Variants in FKBP4 observed in about 807,000 individuals in gnomAD.
FKBP4 encodes the protein peptidyl-prolyl cis-trans isomerase FKBP4.
Under a neutral mutation model 54.1 loss-of-function variants are expected in FKBP4, and 28 were observed. The ratio of observed to expected loss-of-function variants is 0.52; its 90% CI spans 0.38 to 0.71. FKBP4 has a LOEUF of 0.71. FKBP4 is among the 30% of genes least tolerant of loss of function. The probability of loss-of-function intolerance (pLI) is 0.00; values close to 1 mark genes in which losing one functional copy is unlikely to be tolerated. For synonymous variants in FKBP4, 223 were observed against 216.1 expected (o/e 1.03, Z -0.28); for missense variants, 493 against 574.4 (o/e 0.86, Z 1.45).
Position 2,799,156 on chromosome 12 carries a change from G to A in FKBP4, c.583G>A (p.Gly195Arg). The A allele has an allele frequency of 6.3e-7, 1 of 1,593,984 alleles. No individual in the cohort carries two copies. Among genetic ancestry groups the A allele is most frequent in the South Asian group, 1.1e-5 (1 of 87,732 alleles). Residue 195 changes from glycine (G) to arginine (R), a missense_variant, in exon 5 of 10, where the codon GGG (glycine) becomes AGG (arginine). Physicochemically the swap from Gly to Arg is moderately radical, Grantham distance 125. Coordinates refer to ENST00000001008, the MANE Select transcript of FKBP4 (RefSeq NM_002014.4). ...QRELRFEIGE[G>R]ENLDLPYGLE... ...GGAGCTCCGCTTTGAGATTGGCGAGGGGGAGAACCTGGATCTGCCTTATGG... is the reference window on the plus strand; with the variant it reads ...GGAGCTCCGCTTTGAGATTGGCGAGAGGGAGAACCTGGATCTGCCTTATGG...
chr12:2,800,922 C>G (rs1437208674), intron 8 of FKBP4, among the ~76,000 whole-genome samples, 195 bp from the exon 9 acceptor site: 1 of 152,146 alleles, frequency 6.6e-6, no homozygotes, highest in Non-Finnish European at 1.5e-5. Flanking sequence ...TGCTGTCTTC[C>G]CTCTCTGCCT....
rs116790819 is a variant in FKBP4 at position 2,803,497 on chromosome 12, C to T, written c.*239C>T. The T allele has an allele frequency of 6.3e-3, 3,142 of 494,814 alleles. 79 individuals are homozygous for T. Among genetic ancestry groups the T allele is most frequent in the African/African-American group, 0.055 (2,891 of 52,324 alleles). 30.7% of individuals were successfully genotyped at this position (494,814 alleles called of 1,614,324 possible). On this transcript the variant is annotated 3_prime_UTR_variant, in exon 10 of 10. Transcript: ENST00000001008. ...CCATTGCACATGAACATATGTCCAT[C>T]CATATATATTCATCAGAATGTTAAT...
intron 9 of FKBP4, chr12:2,801,669 A>C (rs2097904849): frequency 4.0e-6 from 2 of 500,352 alleles, no homozygotes; most frequent in South Asian, 1.5e-5. Flanking sequence ...TGGGAGGATC[A>C]CTTGAACCCA....
At position 2,805,249 on chromosome 12, in the gene FKBP4, C is replaced by T; in HGVS notation, c.*1991C>T. 1 of 452,700 alleles carries T rather than the reference C, an allele frequency of 2.2e-6. No individual in the cohort carries two copies. Among genetic ancestry groups the T allele is most frequent in the East Asian group, 7.0e-5 (1 of 14,318 alleles). The allele number at this position is 452,700 out of a possible 1,614,324, so 28.0% of individuals were successfully genotyped here. A position where few individuals can be genotyped will look rare whatever the true frequency, so the allele number is the denominator to read the frequency against. On this transcript the variant is annotated 3_prime_UTR_variant, in exon 10 of 10. Coordinates refer to ENST00000001008, the MANE Select transcript of FKBP4 (RefSeq NM_002014.4). The stretch of plus-strand genomic sequence containing the variant: ...AGACTCTCCCATGAGGTTCCTTTGG[C>T]AAGTCCTGGGCTTCTGTCCTCATCT...
chr12:2,796,819 A>C, intron 1 of FKBP4: 2 of 1,129,126 alleles, frequency 1.8e-6, no homozygotes, highest in South Asian at 5.1e-5. Flanking sequence ...CAACTGTAGG[A>C]GATAGGGATT....
At chr12:2,800,965 T>C in intron 8 of FKBP4, 152 bp from the exon 9 acceptor site, 1 of 941,568 alleles carries the variant, frequency 1.1e-6, no homozygotes, top group Non-Finnish European at 1.6e-6. Context: ...GATTGTTCCA[T>C]TTAATGCCTC....
chr12:2,800,194 CTG>C (rs2097903967), intron 7 of FKBP4, 72 bp downstream of exon 7: 7 of 1,533,976 alleles, frequency 4.6e-6, no homozygotes, highest in South Asian at 4.5e-5. Flanking sequence ...CCCTTGGTGA[CTG>C]AGATCATTTT....
chr12:2,796,529 C>G, intron 1 of FKBP4: 1 of 985,446 alleles, frequency 1.0e-6, no homozygotes, highest in Non-Finnish European at 1.2e-6. Flanking sequence ...TACTCCAGCC[C>G]TGGACTAACT....
Position 2,798,898 on chromosome 12 carries a change from C to T in FKBP4, c.514+72C>T. 2 of 1,536,372 alleles carry T rather than the reference C, an allele frequency of 1.3e-6. No homozygotes were observed. Among genetic ancestry groups the T allele is most frequent in the East Asian group, 2.3e-5 (1 of 44,156 alleles). On this transcript the variant is annotated intron_variant, in intron 4 of 9. Coordinates refer to ENST00000001008, the MANE Select transcript of FKBP4 (RefSeq NM_002014.4). This position sits in a 1 kb window ranked among gnomAD's most constrained non-coding sequence, Gnocchi z 4.3. ...GCCTTGTGTGGCTTTGGGCAAGACA[C>T]TTCCGTTCTCCGAGCCTATCTTCTT... is the stretch of plus-strand genomic sequence containing the variant.
intron 1 of FKBP4, chr12:2,796,269 T>C (rs2153919064): frequency 8.5e-6 from 11 of 1,289,252 alleles, no homozygotes; most frequent in African/African-American, 1.5e-5. Flanking sequence ...CACCAGATTA[T>C]TGGGGACCTC....
chr12:2,795,897 CCGGGCG>C lies in FKBP4; in HGVS notation c.105+658_105+663del. On this transcript the variant is annotated intron_variant, in intron 1 of 9. Coordinates refer to ENST00000001008, the MANE Select transcript of FKBP4 (RefSeq NM_002014.4). This position sits in a 1 kb window ranked among gnomAD's most constrained non-coding sequence, Gnocchi z 4.3. ...GCCCCCTCCCTCGGCCCCGGGGAGGCCGGGCGCGGGGCATGCCGGGAGCTGTAGTCC... is the reference window on the plus strand; with the variant it reads ...GCCCCCTCCCTCGGCCCCGGGGAGGCCGGGGCATGCCGGGAGCTGTAGTCC... The C allele has an allele frequency of 1.0e-6, 1 of 967,434 alleles. No homozygotes were observed. Among genetic ancestry groups the C allele is most frequent in the Non-Finnish European group, 1.2e-6 (1 of 811,654 alleles). 59.9% of individuals were successfully genotyped at this position (967,434 alleles called of 1,614,324 possible).
In FKBP4 at chr12:2,801,286, G is replaced by A. The variant is rs199923813; in HGVS notation, c.1202G>A (p.Arg401Gln). The A allele has an allele frequency of 1.2e-5, 20 of 1,614,122 alleles. No individual in the cohort carries two copies. The highest frequency in any genetic ancestry group is 2.7e-5 in the African/African-American group (2 of 75,054). ...TQLAVCQQRI[R>Q]RQLAREKKLY... is the part of the protein sequence containing the mutation. ...CTGGCTGTGTGCCAGCAGCGGATCCGAAGGCAGCTTGCCCGGGAGAAGAAG... is the reference window on the plus strand; with the variant it reads ...CTGGCTGTGTGCCAGCAGCGGATCCAAAGGCAGCTTGCCCGGGAGAAGAAG... The change falls in exon 9 of 10, where the codon CGA becomes CAA. Residue 401 changes from arginine to glutamine, a missense_variant. Arg to Gln is a conservative substitution (Grantham distance 43). Coordinates refer to ENST00000001008, the MANE Select transcript of FKBP4 (RefSeq NM_002014.4).
chr12:2,800,722 C>G lies in FKBP4; in HGVS notation c.1032+145C>G. 1.8e-5 allele frequency: 14 copies of G among 781,414 alleles called. 1 individual carries two copies. The South Asian group carries it at 2.8e-4, about 15-fold the overall frequency. The allele number at this position is 781,414 out of a possible 1,614,324, so 48.4% of individuals were successfully genotyped here. On this transcript the variant is annotated intron_variant, in intron 8 of 9. Transcript: ENST00000001008. ...GCTCTGAGGTTACAGACCAAAGGCA[C>G]GGATGCAAGTATTCATAGCAAGAAC...
intron 2 of FKBP4, 110 bp from the exon 3 acceptor site, chr12:2,797,619 A>G (rs1483054347): frequency 5.2e-6 from 7 of 1,345,548 alleles, no homozygotes; most frequent in South Asian, 1.4e-5. Flanking sequence ...CCCATTTCTA[A>G]AGGATGTCCA....
chr12:2,797,004 T>G, intron 1 of FKBP4, 134 bp from the exon 2 acceptor site: 1 of 1,441,908 alleles, frequency 6.9e-7, no homozygotes, highest in Non-Finnish European at 9.1e-7. Context: ...TAACTGAATC[T>G]GGAGGGACAA....
chr12:2,803,313 C>T lies in FKBP4; in HGVS notation c.*55C>T. ...TGCCTGCCCCCCAGTCTCCCCACTC[C>T]ACCCTGTTAGTTTTGTAAAAACTGA... On this transcript the variant is annotated 3_prime_UTR_variant, in exon 10 of 10. Coordinates refer to ENST00000001008, the MANE Select transcript of FKBP4 (RefSeq NM_002014.4). 1.6e-6 allele frequency: 2 copies of T among 1,244,582 alleles called. No homozygotes were observed. Among genetic ancestry groups the T allele is most frequent in the South Asian group, 1.3e-5 (1 of 78,212 alleles). 77.1% of individuals were successfully genotyped at this position (1,244,582 alleles called of 1,614,324 possible). A position where few individuals can be genotyped will look rare whatever the true frequency, so the allele number is the denominator to read the frequency against.
chr12:2,801,392 C>T (rs768689059), intron 9 of FKBP4, 36 bp downstream of exon 9: 7 of 1,610,520 alleles, frequency 4.3e-6, no homozygotes, highest in East Asian at 2.2e-5. Flanking sequence ...GGAATAGCAT[C>T]CCTCCACTTA....
chr12:2,801,855 A>T (rs1193226471), intron 9 of FKBP4: 3 of 275,294 alleles, frequency 1.1e-5, no homozygotes, highest in Admixed American at 9.6e-5. Context: ...TGCCTCCCCC[A>T]CCAGAAGCAG....
chr12:2,796,620 C>T, intron 1 of FKBP4: 1 of 1,154,916 alleles, frequency 8.7e-7, no homozygotes, highest in Non-Finnish European at 1.1e-6. Flanking sequence ...CTGGTTTCTT[C>T]CTTACCTGTT....
Sources: allele counts gnomAD v4.1 joint callset (sites outside exome capture counted in the v4.1 genomes callset), GRCh38; gene constraint gnomAD v4.1.1; non-coding constraint Gnocchi (gnomAD v3.1); transcripts MANE v1.5; gene names NCBI Gene and HGNC (gene_info 2026-07-23, HGNC 2026-07-21).